CELF3: variants seen among roughly 807,000 people sequenced by gnomAD.
CELF3 encodes the protein CAG repeat domain.
In CELF3, 26 loss-of-function variants were observed where a neutral mutation model predicts 59.6. The ratio of observed to expected loss-of-function variants is 0.44; its 90% CI spans 0.32 to 0.61. The LOEUF (loss-of-function observed/expected upper bound fraction) is 0.61. CELF3 is among the 20% of genes least tolerant of loss of function. The pLI is 0.06. For missense variants in CELF3, 387 were observed against 627.2 expected, an observed-to-expected ratio of 0.62 and a Z score of 4.09; for synonymous variants, 245 against 250.7, an observed-to-expected ratio of 0.98 and a Z score of 0.22.
intron 2 of CELF3, chr1:151,710,098 C>T (rs1402149359): frequency 2.6e-5 from 10 of 391,308 alleles, no homozygotes; most frequent in African/African-American, 1.2e-4. Context: ...ACATAGGACC[C>T]GGGGCCTGAG....
chr1:151,710,244 T>C (rs1411779594), intron 2 of CELF3: 1 of 238,360 alleles, frequency 4.2e-6, no homozygotes, highest in African/African-American at 2.2e-5. Context: ...GACTTCCTTC[T>C]GACCTCTAGA....
At chr1:151,706,989 C>T (rs373833200) in intron 8 of CELF3, among the ~76,000 whole-genome samples, 156 bp downstream of exon 8, 82 of 152,350 alleles carry the variant, frequency 5.4e-4, no homozygotes, top group African/African-American at 1.7e-3. Context: ...GCTTCCTGGC[C>T]GAGCCCAACA....
Position 151,715,895 on chromosome 1 carries a change from C to A in CELF3, c.126G>T (p.Lys42Asn), listed in dbSNP as rs1236789052. The change falls in exon 1 of 13, where the codon AAG becomes AAT. Residue 42 changes from lysine to asparagine, a missense_variant. This residue lies in a region of CELF3 where 208 missense variants were observed against 354.8 expected (regional missense o/e 0.59). Coordinates refer to ENST00000290583, the MANE Select transcript of CELF3 (RefSeq NM_007185.7). ...RIFELTVIKD[K>N]YTGLHKGCAF... is the part of the protein sequence containing the mutation. ...CCTCACCCTTGTGCAGCCCGGTGTA[C>A]TTGTCCTTGATGACAGTCAGCTCAA... 6.2e-7 allele frequency: 1 copy of A among 1,613,920 alleles called. No homozygotes were observed. Among genetic ancestry groups the A allele is most frequent in the Non-Finnish European group, 8.5e-7 (1 of 1,179,872 alleles).
At position 151,716,697 on chromosome 1, in the gene CELF3, C is replaced by T; in HGVS notation, c.-677G>A. ...CCCCTCCCACCCCCACCCCAGTCCC[C>T]GGGCCTGGGCTGCTGCCGGCTGCTC... is the stretch of plus-strand genomic sequence containing the variant. On this transcript the variant is annotated 5_prime_UTR_variant, in exon 1 of 13. Coordinates refer to ENST00000290583, the MANE Select transcript of CELF3 (RefSeq NM_007185.7). The T allele has an allele frequency of 6.8e-6, 3 of 438,788 alleles. No homozygotes were observed. The highest frequency in any genetic ancestry group is 9.5e-6 in the Non-Finnish European group (2 of 211,200). The allele number at this position is 438,788 out of a possible 1,614,324, so 27.2% of individuals were successfully genotyped here.
At position 151,701,882 on chromosome 1, in the gene CELF3, C is replaced by T. The variant is rs1304070085; in HGVS notation, c.*1577G>A. ...AGGTTGCAGTGAGCTATGATCTCAC[C>T]ATCACACTCCAGCTTGAGTGACAGA... On this transcript the variant is annotated 3_prime_UTR_variant, in exon 13 of 13. Transcript: ENST00000290583. Among the ~76,000 whole-genome samples the T allele has an allele frequency of 2.6e-5, 4 of 152,192 alleles. No homozygotes were observed. The highest frequency in any genetic ancestry group is 2.0e-4 in the Admixed American group (3 of 15,284).
At chr1:151,704,808 G>GGT (rs138717096) in intron 12 of CELF3, among the ~76,000 whole-genome samples, 59,025 of 150,266 alleles carry the variant, frequency 0.39, 12,126 homozygotes, top group East Asian at 0.6. Context: ...GGTCACGGAG[G>GGT]GTGTGTGTGT....
At chr1:151,713,578 G>A (rs1673202527) in intron 2 of CELF3, 1 of 152,196 alleles carries the variant, frequency 6.6e-6, no homozygotes, top group African/African-American at 2.4e-5. Flanking sequence ...AGTTGGGACT[G>A]GATGGGGACC....
chr1:151,702,582 C>G lies in CELF3; in HGVS notation c.*877G>C, dbSNP rs1186664142. On this transcript the variant is annotated 3_prime_UTR_variant, in exon 13 of 13. Transcript: ENST00000290583. ...AAAACCTCTTCCTAAAGAAAATGAT[C>G]AGGTAATAAACCCCTTGACCCCTCC... 1 of 117,474 alleles carries G rather than the reference C, an allele frequency of 8.5e-6. No individual in the cohort carries two copies. Among genetic ancestry groups the G allele is most frequent in the Admixed American group, 1.1e-4 (1 of 8,922 alleles). 7.3% of individuals were successfully genotyped at this position (117,474 alleles called of 1,614,324 possible). A position where few individuals can be genotyped will look rare whatever the true frequency, so the allele number is the denominator to read the frequency against.
chr1:151,702,819 G>A lies in CELF3; in HGVS notation c.*640C>T, dbSNP rs1029903209. Reference sequence around the variant, plus strand: ...CTGTAAACATTTTTAGGGGTTCAGGGGAAGGTCTTTTCCTCGTGAAAGGAG... The same window carrying A: ...CTGTAAACATTTTTAGGGGTTCAGGAGAAGGTCTTTTCCTCGTGAAAGGAG... On this transcript the variant is annotated 3_prime_UTR_variant, in exon 13 of 13. Transcript: ENST00000290583. 1 of 214,994 alleles carries A rather than the reference G, an allele frequency of 4.7e-6. No individual in the cohort carries two copies. The highest frequency in any genetic ancestry group is 5.0e-5 in the Admixed American group (1 of 20,156). 13.3% of individuals were successfully genotyped at this position (214,994 alleles called of 1,614,324 possible).
At chr1:151,715,717 G>C in intron 1 of CELF3, 159 bp downstream of exon 1, 17 of 1,565,360 alleles carry the variant, frequency 1.1e-5, no homozygotes, top group Non-Finnish European at 1.5e-5. Flanking sequence ...GATCACTCTA[G>C]CTGAGTTCTT....
In CELF3 at chr1:151,702,351, A is replaced by G. The variant is rs998496002; in HGVS notation, c.*1108T>C. Reference sequence around the variant, plus strand: ...ATTCTCTACCTCCCTCCCCCTTCCCAGTGTGGGTAGGGAACAATCCCCTAC... The same window carrying G: ...ATTCTCTACCTCCCTCCCCCTTCCCGGTGTGGGTAGGGAACAATCCCCTAC... On this transcript the variant is annotated 3_prime_UTR_variant, in exon 13 of 13. Coordinates refer to ENST00000290583, the MANE Select transcript of CELF3 (RefSeq NM_007185.7). 4 of 152,064 alleles carry G rather than the reference A, an allele frequency of 2.6e-5. No individual in the cohort carries two copies. The highest frequency in any genetic ancestry group is 4.4e-5 in the Non-Finnish European group (3 of 68,014). 9.4% of individuals were successfully genotyped at this position (152,064 alleles called of 1,614,324 possible). A position where few individuals can be genotyped will look rare whatever the true frequency, so the allele number is the denominator to read the frequency against.
chr1:151,706,447 C>T (rs1340784343), intron 9 of CELF3, 86 bp from the exon 10 acceptor site: 4 of 1,390,256 alleles, frequency 2.9e-6, no homozygotes, highest in Non-Finnish European at 3.9e-6. Context: ...TCCCCTAGCC[C>T]AGGCCAGTGG....
At position 151,709,655 on chromosome 1, in the gene CELF3, C is replaced by T. The variant is rs1260746583; in HGVS notation, c.277+88G>A. The T allele has an allele frequency of 7.7e-7, 1 of 1,303,098 alleles. No individual in the cohort carries two copies. The highest frequency in any genetic ancestry group is 1.1e-6 in the Non-Finnish European group (1 of 897,022). The allele number at this position is 1,303,098 out of a possible 1,614,324, so 80.7% of individuals were successfully genotyped here. On this transcript the variant is annotated intron_variant, in intron 3 of 12. Transcript: ENST00000290583. The surrounding 1 kb of genome is among the most constrained non-coding windows in gnomAD (Gnocchi z 4.9). ...ACTCTTCAGAATCATCAGGCTTTCT[C>T]CCTCAAGAAAGGCTACCCCTCGACA...
At chr1:151,710,097 C>A (rs961495781) in intron 2 of CELF3, 1 of 397,040 alleles carries the variant, frequency 2.5e-6, no homozygotes, top group Non-Finnish European at 4.7e-6. Context: ...CACATAGGAC[C>A]CGGGGCCTGA....
rs373583377 is a variant in CELF3, at chr1:151,706,210, G to A, written c.1126+14C>T. 5.0e-5 allele frequency: 80 copies of A among 1,610,924 alleles called. No homozygotes were observed. In the Admixed American group the frequency reaches 1.1e-3, roughly 22 times the overall value. ...AACGAGGGCATTCCTGTCTCCCAAG[G>A]CCCCAGCCAGCACCTTCTCTTTGCT... is the stretch of plus-strand genomic sequence containing the variant. On this transcript the variant is annotated intron_variant, in intron 10 of 12. Transcript: ENST00000290583.
At chr1:151,706,944 A>G (rs1285078388) in intron 8 of CELF3, among the ~76,000 whole-genome samples, 1 of 151,736 alleles carries the variant, frequency 6.6e-6, no homozygotes, top group Non-Finnish European at 1.5e-5. Context: ...CTGTCTTGCA[A>G]CCCTGGACAG....
In CELF3 at chr1:151,706,231, TTGC is replaced by T. The variant is rs754480948; in HGVS notation, c.1116_1118del (p.Gln373del). ...CAAGGCCCCAGCCAGCACCTTCTCT[TTGC>T]TGCTGCTGCTGTTGCTGCTGCTGCT... On this transcript the variant is annotated inframe_deletion, in exon 10 of 13. Transcript: ENST00000290583. 1.1e-5 allele frequency: 18 copies of T among 1,608,188 alleles called. No individual in the cohort carries two copies. Among genetic ancestry groups the T allele is most frequent in the Middle Eastern group, 1.9e-4 (1 of 5,400 alleles).
At position 151,716,648 on chromosome 1, in the gene CELF3, C is replaced by G. The variant is rs1673498575; in HGVS notation, c.-628G>C. On this transcript the variant is annotated 5_prime_UTR_variant, in exon 1 of 13. Coordinates refer to ENST00000290583, the MANE Select transcript of CELF3 (RefSeq NM_007185.7). ...CAGGGGTCCCTTTTGCCCTGCCGCC[C>G]CCCTTCAGGTCCTCCCCTCAGCCCC... 1 of 358,408 alleles carries G rather than the reference C, an allele frequency of 2.8e-6. No homozygotes were observed. Among genetic ancestry groups the G allele is most frequent in the African/African-American group, 2.2e-5 (1 of 45,946 alleles). The allele number at this position is 358,408 out of a possible 1,614,324, so 22.2% of individuals were successfully genotyped here.
Position 151,709,832 on chromosome 1 carries a change from T to C in CELF3, c.229-41A>G. 2 of 1,604,050 alleles carry C rather than the reference T, an allele frequency of 1.2e-6. No homozygotes were observed. Among genetic ancestry groups the C allele is most frequent in the South Asian group, 2.2e-5 (2 of 90,888 alleles). On this transcript the variant is annotated intron_variant, in intron 2 of 12. Transcript: ENST00000290583. The surrounding 1 kb of genome is among the most constrained non-coding windows in gnomAD (Gnocchi z 4.9). ...GAAGGCAGCTGCTGGGGACCTCCTC[T>C]GAACACCCAAGAGCCCTCCCAGGCC...
Sources: gnomAD v4.1 joint callset for allele counts (sites outside exome capture counted in the v4.1 genomes callset) on GRCh38, gnomAD v4.1.1 for gene constraint, gnomAD v4.1.1 regional missense constraint, Gnocchi (gnomAD v3.1) non-coding constraint, MANE v1.5 for transcripts, NCBI Gene and HGNC (gene_info 2026-07-23, HGNC 2026-07-21) for gene names.